RNF216: variants seen among roughly 807,000 people sequenced by gnomAD.
RNF216 encodes E3 ubiquitin-protein ligase RNF216.
In RNF216, 72 loss-of-function variants were observed where a neutral mutation model predicts 110.8. The observed-to-expected ratio is 0.65, with a 90% confidence interval of 0.54 to 0.79. The LOEUF is 0.79. RNF216 is among the 30% of genes least tolerant of loss of function. The pLI is 0.00. For synonymous variants in RNF216, 495 were observed against 407.5 expected (o/e 1.21, Z -2.59); for missense variants, 1,342 against 1,141.2 (o/e 1.18, Z -2.54).
chr7:5,674,564 G>A (rs1790144957), intron 13 of RNF216, among the ~76,000 whole-genome samples: 1 of 151,962 alleles, frequency 6.6e-6, no homozygotes, highest in South Asian at 2.1e-4. Flanking sequence ...GGAGGTCGAG[G>A]CTGCAGTGAC....
At chr7:5,690,537 G>A (rs28411680) in intron 13 of RNF216, among the ~76,000 whole-genome samples, 10,629 of 152,042 alleles carry the variant, frequency 0.07, 1,240 homozygotes, top group African/African-American at 0.24. Context: ...ACCAGGGGAG[G>A]AGGCGCCACC....
intron 14 of RNF216, among the ~76,000 whole-genome samples, chr7:5,648,899 A>T (rs1788213878): frequency 6.6e-6 from 1 of 152,182 alleles, no homozygotes; most frequent in Non-Finnish European, 1.5e-5. Flanking sequence ...ACACATGTAA[A>T]GCTAATTTGA....
rs1791631665 is a variant in RNF216 at position 5,696,408 on chromosome 7, T to G, written c.2061+15353A>C. ...TGACTGGGAAAAAACTTGTGAAGGTTACATGGTTTCCTCCTTATGTAAAGC... is the reference window on the plus strand; with the variant it reads ...TGACTGGGAAAAAACTTGTGAAGGTGACATGGTTTCCTCCTTATGTAAAGC... On this transcript the variant is annotated intron_variant, in intron 13 of 16. Transcript: ENST00000389902. The surrounding 1 kb of genome is among the most constrained non-coding windows in gnomAD (Gnocchi z 5.4). 6.6e-6 allele frequency among the ~76,000 whole-genome samples: 1 copy of G among 152,176 alleles called. No individual in the cohort carries two copies. Among genetic ancestry groups the G allele is most frequent in the Non-Finnish European group, 1.5e-5 (1 of 68,030 alleles).
intron 3 of RNF216, 118 bp from the exon 4 acceptor site, chr7:5,741,933 A>G: frequency 1.0e-6 from 1 of 976,584 alleles, no homozygotes; most frequent in Non-Finnish European, 1.5e-6. Flanking sequence ...ATCTCCCTTA[A>G]CAATACCTAT....
intron 7 of RNF216, among the ~76,000 whole-genome samples, chr7:5,726,590 G>A (rs1296600458): frequency 6.6e-6 from 1 of 152,112 alleles, no homozygotes; most frequent in African/African-American, 2.4e-5. Flanking sequence ...GGGCGCGGTG[G>A]CTCACGCCTG....
At chr7:5,716,695 C>G (rs759300832) in intron 10 of RNF216, 21 bp downstream of exon 10, 8 of 1,566,936 alleles carry the variant, frequency 5.1e-6, no homozygotes, top group Middle Eastern at 1.7e-4. Context: ...CCAGAATAAA[C>G]AAGGTGAGAT....
rs527978440 is a variant in RNF216, at chr7:5,723,458, TA to T, written c.1504+1865del. Among the ~76,000 whole-genome samples the T allele has an allele frequency of 9.2e-5, 14 of 151,952 alleles. No homozygotes were observed. In the East Asian group the frequency reaches 2.7e-3, roughly 29 times the overall value. On this transcript the variant is annotated intron_variant, in intron 8 of 16. Coordinates refer to ENST00000389902, the MANE Select transcript of RNF216 (RefSeq NM_207111.4). ...GTCAGGAGATCGAGACCATCCTGGC[TA>T]ACATGGTGAAACCCCGTCTCTACTA...
At chr7:5,626,458 A>G (rs1196585432) in intron 15 of RNF216, among the ~76,000 whole-genome samples, 1 of 152,070 alleles carries the variant, frequency 6.6e-6, no homozygotes, top group Non-Finnish European at 1.5e-5. Flanking sequence ...AAACCCCAAC[A>G]AATTAAGCGA....
intron 15 of RNF216, among the ~76,000 whole-genome samples, chr7:5,632,987 C>G (rs1324787546): frequency 1.4e-5 from 2 of 148,134 alleles, no homozygotes; most frequent in African/African-American, 5.3e-5. Flanking sequence ...AGAGCACTTT[C>G]TGTTTTTTTT....
chr7:5,664,544 C>G (rs1023208415), intron 13 of RNF216, among the ~76,000 whole-genome samples: 1 of 152,160 alleles, frequency 6.6e-6, no homozygotes, highest in African/African-American at 2.4e-5. Context: ...ATAAAAGGAG[C>G]TCACAAACAG....
chr7:5,724,655 C>A (rs1240081694), intron 8 of RNF216, among the ~76,000 whole-genome samples: 2 of 152,118 alleles, frequency 1.3e-5, no homozygotes, highest in Non-Finnish European at 1.5e-5. Flanking sequence ...CAAATACTTT[C>A]CAGCTTTATA....
At chr7:5,745,062 C>T (rs1008337950) in intron 3 of RNF216, among the ~76,000 whole-genome samples, 1 of 151,922 alleles carries the variant, frequency 6.6e-6, no homozygotes, top group Non-Finnish European at 1.5e-5. Context: ...GGATATCATA[C>T]GTACACACAA....
intron 8 of RNF216, among the ~76,000 whole-genome samples, chr7:5,721,674 A>G (rs1430685066): frequency 6.6e-6 from 1 of 152,204 alleles, no homozygotes; most frequent in Non-Finnish European, 1.5e-5. Flanking sequence ...TGTGAGTTCC[A>G]GTCTCTCCAT....
chr7:5,634,464 C>T (rs1787271609), intron 15 of RNF216, among the ~76,000 whole-genome samples: 1 of 152,226 alleles, frequency 6.6e-6, no homozygotes, highest in Admixed American at 6.5e-5. Flanking sequence ...GACCCTTAGC[C>T]CCCACCCCTT....
chr7:5,623,838 C>G (rs546313218), intron 16 of RNF216, among the ~76,000 whole-genome samples: 1 of 152,184 alleles, frequency 6.6e-6, no homozygotes, highest in Non-Finnish European at 1.5e-5. Context: ...GACTTCCTCA[C>G]CATCAAGGAG....
At chr7:5,716,272 G>C (rs538022560) in intron 10 of RNF216, among the ~76,000 whole-genome samples, 1 of 152,026 alleles carries the variant, frequency 6.6e-6, no homozygotes, top group Non-Finnish European at 1.5e-5. Context: ...CACTTTGGGA[G>C]GTTGAGATGG....
intron 11 of RNF216, 110 bp downstream of exon 11, chr7:5,714,943 C>G (rs963180860): frequency 8.3e-6 from 8 of 959,810 alleles, no homozygotes; most frequent in Non-Finnish European, 1.2e-5. Flanking sequence ...AGCATACCAG[C>G]AGAACTCCAC....
At chr7:5,695,461 C>T (rs929982519) in intron 13 of RNF216, among the ~76,000 whole-genome samples, 1 of 152,230 alleles carries the variant, frequency 6.6e-6, no homozygotes, top group African/African-American at 2.4e-5. Flanking sequence ...GGAGCCCGGA[C>T]TAAGCAAGGC....
At chr7:5,712,942 A>G in intron 11 of RNF216, 79 bp from the exon 12 acceptor site, 1 of 1,298,828 alleles carries the variant, frequency 7.7e-7, no homozygotes, top group Non-Finnish European at 1.1e-6. Flanking sequence ...GGTTAAAAAC[A>G]TAGATCCTGA....
Sources: gnomAD v4.1 joint callset for allele counts (sites outside exome capture counted in the v4.1 genomes callset) on GRCh38, gnomAD v4.1.1 for gene constraint, Gnocchi (gnomAD v3.1) non-coding constraint, MANE v1.5 for transcripts, NCBI Gene and HGNC (gene_info 2026-07-23, HGNC 2026-07-21) for gene names.